TMCO1: variants seen among roughly 807,000 people sequenced by gnomAD.
TMCO1 encodes transmembrane and coiled-coil domains 1.
A neutral mutation model predicts 29.3 loss-of-function variants in TMCO1; 29 were observed. That is an observed-to-expected ratio of 0.99 (90% CI 0.74 to 1.35). The LOEUF is 1.35. Among genes scored for constraint, TMCO1 ranks in the 40% most tolerant of loss-of-function variants. TMCO1 has a pLI of 0.00. For synonymous variants in TMCO1, 80 were observed against 77.1 expected, an observed-to-expected ratio of 1.04 and a Z score of -0.20; for missense variants, 173 against 225.5, an observed-to-expected ratio of 0.77 and a Z score of 1.49.
At chr1:165,748,831 T>C (rs192214964) in intron 5 of TMCO1, among the ~76,000 whole-genome samples, 3 of 152,354 alleles carry the variant, frequency 2.0e-5, no homozygotes, top group Non-Finnish European at 2.9e-5. Context: ...AAGAATCCTC[T>C]GTGCTCTGCC....
rs145312208 is a variant in TMCO1, at chr1:165,730,804, C to T, written c.469-2683G>A. ...AGTTGGGGTTTTGCCATGTTGGCCACGCTGGTCTCAAACTCTTGGGCTCCA... is the reference window on the plus strand; with the variant it reads ...AGTTGGGGTTTTGCCATGTTGGCCATGCTGGTCTCAAACTCTTGGGCTCCA... On this transcript the variant is annotated intron_variant, in intron 6 of 6. Coordinates refer to ENST00000367881, the MANE Select transcript of TMCO1 (RefSeq NM_019026.6). 1.6e-3 allele frequency among the ~76,000 whole-genome samples: 247 copies of T among 151,802 alleles called. 2 individuals are homozygous for T. The highest frequency in any genetic ancestry group is 5.5e-3 in the African/African-American group (229 of 41,370).
At chr1:165,725,016 CTCTCTCTCTATA>C (rs748424539), downstream of TMCO1, 1,844 of 161,494 alleles carry the variant, frequency 0.011, 23 homozygotes, top group African/African-American at 0.074. Flanking sequence ...CTCTCTCTCT[CTCTCTCTCTATA>C]TATATATATA....
At chr1:165,743,037 A>G in intron 6 of TMCO1, 130 bp downstream of exon 6, 1 of 1,139,294 alleles carries the variant, frequency 8.8e-7, no homozygotes, top group Non-Finnish European at 1.3e-6. Context: ...GATACACTGA[A>G]ATTCTAAAAT....
At position 165,743,220 on chromosome 1, in the gene TMCO1, T is replaced by C. The variant is rs746331589; in HGVS notation, c.415A>G (p.Thr139Ala). 5.6e-6 allele frequency: 9 copies of C among 1,613,784 alleles called. No individual in the cohort carries two copies. Among genetic ancestry groups the C allele is most frequent in the Non-Finnish European group, 7.6e-6 (9 of 1,179,952 alleles). The change falls in exon 6 of 7, where the codon ACA becomes GCA. Residue 139 changes from threonine to alanine, a missense_variant. Physicochemically the swap from Thr to Ala is moderately conservative, Grantham distance 58. Transcript: ENST00000367881. ...SHRNLLGDDT[T>A]DCSFIFLYIL... is the part of the protein sequence containing the mutation. ...TACAGGAAAATGAAGGAACAGTCTG[T>C]GGTGTCATCTCCCAGCAGATTTCGA...
chr1:165,762,896 G>A (rs1010826703), intron 2 of TMCO1, among the ~76,000 whole-genome samples: 3 of 151,992 alleles, frequency 2.0e-5, no homozygotes, highest in East Asian at 3.9e-4. Flanking sequence ...TTCATTTATT[G>A]AAGTATCCTT....
chr1:165,729,980 C>T (rs1428161005), intron 6 of TMCO1, among the ~76,000 whole-genome samples: 2 of 151,964 alleles, frequency 1.3e-5, no homozygotes, highest in Non-Finnish European at 2.9e-5. Context: ...AGCATACACA[C>T]CCTCAATCCT....
chr1:165,763,397 C>T (rs561853227), intron 2 of TMCO1, among the ~76,000 whole-genome samples: 2 of 152,216 alleles, frequency 1.3e-5, no homozygotes, highest in Non-Finnish European at 2.9e-5. Flanking sequence ...GTAAACTAAA[C>T]ACATAGCAAG....
At chr1:165,746,759 T>C (rs1379800034) in intron 5 of TMCO1, among the ~76,000 whole-genome samples, 1 of 152,204 alleles carries the variant, frequency 6.6e-6, no homozygotes, top group African/African-American at 2.4e-5. Flanking sequence ...TTTGAGTATT[T>C]AACCCTCTTC....
At chr1:165,735,641 A>G (rs1320384227) in intron 6 of TMCO1, among the ~76,000 whole-genome samples, 1 of 151,474 alleles carries the variant, frequency 6.6e-6, no homozygotes, top group Non-Finnish European at 1.5e-5. Context: ...CAGCCTCCTG[A>G]GTATCTGGGA....
chr1:165,725,966 A>C (rs16849835), downstream of TMCO1: 11,102 of 671,012 alleles, frequency 0.017, 873 homozygotes, highest in African/African-American at 0.17. Flanking sequence ...ATGGAAACAT[A>C]ATTTGTATAT....
chr1:165,746,381 C>A (rs1003603764), intron 5 of TMCO1, among the ~76,000 whole-genome samples: 2 of 148,946 alleles, frequency 1.3e-5, no homozygotes, highest in African/African-American at 5.0e-5. Context: ...TATAATGAAG[C>A]TTTCATATAA....
At chr1:165,741,474 G>T (rs768868815) in intron 6 of TMCO1, among the ~76,000 whole-genome samples, 1 of 152,170 alleles carries the variant, frequency 6.6e-6, no homozygotes, top group Non-Finnish European at 1.5e-5. Context: ...GAAGAAGAGG[G>T]AGGCATTCAG....
intron 6 of TMCO1, among the ~76,000 whole-genome samples, chr1:165,738,424 G>A (rs6683657): frequency 1.3e-5 from 2 of 152,096 alleles, no homozygotes; most frequent in Admixed American, 1.3e-4. Context: ...TATTCATTTC[G>A]CAGGCAACCA....
chr1:165,737,822 G>A (rs1046092954), intron 6 of TMCO1, among the ~76,000 whole-genome samples: 1 of 152,182 alleles, frequency 6.6e-6, no homozygotes, highest in Non-Finnish European at 1.5e-5. Flanking sequence ...TTTGTCACCA[G>A]CAGACTTGCA....
intron 5 of TMCO1, among the ~76,000 whole-genome samples, chr1:165,751,025 G>A (rs1197171252): frequency 1.3e-5 from 2 of 151,870 alleles, no homozygotes; most frequent in African/African-American, 2.4e-5. Flanking sequence ...AGCTGAGATC[G>A]CGCCACTGCA....
intron 2 of TMCO1, among the ~76,000 whole-genome samples, chr1:165,761,391 C>T (rs879689615): frequency 2.6e-5 from 4 of 151,804 alleles, no homozygotes; most frequent in Admixed American, 6.6e-5. Flanking sequence ...AAAAATTAGC[C>T]GAGTGTGGTG....
At position 165,768,844 on chromosome 1, in the gene TMCO1, C is replaced by G. The variant is rs764920804; in HGVS notation, c.-93G>C. 1.9e-6 allele frequency: 3 copies of G among 1,586,012 alleles called. No homozygotes were observed. The East Asian group carries it at 6.8e-5, about 36-fold the overall frequency. On this transcript the variant is annotated 5_prime_UTR_variant, in exon 1 of 7. Transcript: ENST00000367881. The stretch of plus-strand genomic sequence containing the variant: ...CGAAAACGGCTTCCGTAGACTCCGC[C>G]ACCACCGAGTAACAGACCAACTCTG...
At chr1:165,731,983 A>G (rs1185825031) in intron 6 of TMCO1, among the ~76,000 whole-genome samples, 1 of 152,222 alleles carries the variant, frequency 6.6e-6, no homozygotes, top group Non-Finnish European at 1.5e-5. Flanking sequence ...ATTCTAAACT[A>G]ATCTGTTTAA....
At chr1:165,764,438 A>G (rs562161375) in intron 2 of TMCO1, among the ~76,000 whole-genome samples, 2 of 152,332 alleles carry the variant, frequency 1.3e-5, no homozygotes, top group African/African-American at 2.4e-5. Context: ...AAGGAGAGGT[A>G]TGTGGATAAA....
Sources: allele counts gnomAD v4.1 joint callset (sites outside exome capture counted in the v4.1 genomes callset), GRCh38; gene constraint gnomAD v4.1.1; transcripts MANE v1.5; gene names NCBI Gene and HGNC (gene_info 2026-07-23, HGNC 2026-07-21).